The following MMP26 variants were observed in gnomAD, a reference collection of about 807,000 sequenced individuals.
The protein encoded by MMP26 is matrix metalloproteinase-26.
Under a neutral mutation model 31.0 loss-of-function variants are expected in MMP26, and 33 were observed. The observed-to-expected ratio is 1.06, with a 90% CI of 0.81 to 1.42. MMP26 has a LOEUF of 1.42. MMP26 is among the 40% of genes most tolerant of loss of function. The probability of loss-of-function intolerance (pLI) is 0.00; values close to 1 mark genes in which losing one functional copy is unlikely to be tolerated. For synonymous variants in MMP26, 122 were observed against 114.9 expected (o/e 1.06, Z -0.40); for missense variants, 347 against 316.1 (o/e 1.10, Z -0.74).
At chr11:4,936,909 T>G (rs1437853554) in intron 2 of MMP26, among the ~76,000 whole-genome samples, 4 of 152,152 alleles carry the variant, frequency 2.6e-5, no homozygotes, top group Non-Finnish European at 5.9e-5. Context: ...TTTAAAATTT[T>G]TAAGTCTGTG....
intron 2 of MMP26, among the ~76,000 whole-genome samples, chr11:4,910,734 T>C (rs182165543): frequency 6.4e-4 from 97 of 152,266 alleles, no homozygotes; most frequent in Non-Finnish European, 1.2e-3. Flanking sequence ...CACATCTTAG[T>C]TTTTCTGTGC....
chr11:4,869,217 G>C (rs1156941634), intron 2 of MMP26, among the ~76,000 whole-genome samples: 1 of 152,064 alleles, frequency 6.6e-6, no homozygotes, highest in East Asian at 1.9e-4. Flanking sequence ...ATGGACAAAT[G>C]GGATCTAATT....
intron 1 of MMP26, among the ~76,000 whole-genome samples, chr11:4,721,599 A>AT (rs1046502894): frequency 3.3e-5 from 5 of 151,996 alleles, no homozygotes; most frequent in Admixed American, 2.0e-4. Flanking sequence ...TCATGAGTGG[A>AT]TTTTTTTCCC....
At chr11:4,926,531 A>T (rs1851276320) in intron 2 of MMP26, among the ~76,000 whole-genome samples, 1 of 152,184 alleles carries the variant, frequency 6.6e-6, no homozygotes, top group Admixed American at 6.5e-5. Context: ...GGCATAGTGA[A>T]GCTGGTTTGA....
intron 2 of MMP26, among the ~76,000 whole-genome samples, chr11:4,850,127 C>T (rs1331121415): frequency 6.6e-6 from 1 of 152,056 alleles, no homozygotes; most frequent in Non-Finnish European, 1.5e-5. Context: ...AGATATTTTT[C>T]CTTGGCCCTC....
intron 2 of MMP26, among the ~76,000 whole-genome samples, chr11:4,825,286 T>C (rs1480514358): frequency 6.6e-6 from 1 of 152,180 alleles, no homozygotes; most frequent in Non-Finnish European, 1.5e-5. Flanking sequence ...ATCTCATCAT[T>C]TTCCCATTAC....
In MMP26 at chr11:4,807,223, T is replaced by C. The variant is rs1849283047; in HGVS notation, c.-145+39882T>C. Among the ~76,000 whole-genome samples, 4 of 152,202 alleles carry C rather than the reference T, an allele frequency of 2.6e-5. No homozygotes were observed. The South Asian group carries it at 8.3e-4, about 31-fold the overall frequency. ...GGATCGCTGGGTCAAATGGTATTTC[T>C]AGTTCTAGATCCTTAAGGAATTGTC... On this transcript the variant is annotated intron_variant, in intron 2 of 7. Coordinates refer to ENST00000380390, the MANE Select transcript of MMP26 (RefSeq NM_021801.5).
intron 2 of MMP26, chr11:4,907,612 G>GT: frequency 6.2e-7 from 1 of 1,613,958 alleles, no homozygotes; most frequent in Non-Finnish European, 8.5e-7. Context: ...TTCCTACCAT[G>GT]TTGAGGGTCT....
Position 4,908,116 on chromosome 11 carries a change from C to G in MMP26, c.-144-79952C>G. The G allele has an allele frequency of 1.9e-6, 3 of 1,614,202 alleles. No homozygotes were observed. In the South Asian group the frequency reaches 3.3e-5, roughly 18 times the overall value. On this transcript the variant is annotated intron_variant, in intron 2 of 7. Transcript: ENST00000380390. ...TCTCCCACATCTGTGCTGTGCTCAC[C>G]TTCTATGTGCCCATCATCACCCTGG...
intron 2 of MMP26, among the ~76,000 whole-genome samples, chr11:4,851,599 C>T (rs1430766635): frequency 6.6e-6 from 1 of 151,758 alleles, no homozygotes; most frequent in South Asian, 2.1e-4. Context: ...TTATAATACT[C>T]TATTGTCGAG....
Position 4,950,828 on chromosome 11 carries a change from G to T in MMP26, c.-144-37240G>T, listed in dbSNP as rs1358192313. On this transcript the variant is annotated intron_variant, in intron 2 of 7. Transcript: ENST00000380390. ...AAATGCAAATTAATATCACAATGAG[G>T]TATTATATCATACCCATTAGAATGG... 3.3e-5 allele frequency among the ~76,000 whole-genome samples: 4 copies of T among 122,966 alleles called. 1 individual carries two copies. Among genetic ancestry groups the T allele is most frequent in the African/African-American group, 1.1e-4 (4 of 36,416 alleles). The allele number at this position is 122,966 out of a possible 152,430, so 80.7% of individuals were successfully genotyped here.
intron 2 of MMP26, among the ~76,000 whole-genome samples, chr11:4,855,243 C>T (rs1176951295): frequency 6.6e-6 from 1 of 151,954 alleles, no homozygotes; most frequent in Non-Finnish European, 1.5e-5. Context: ...AGAAGTAGGC[C>T]TCAGAAGATC....
intron 2 of MMP26, among the ~76,000 whole-genome samples, chr11:4,799,917 C>G (rs1849158848): frequency 6.6e-6 from 1 of 152,238 alleles, no homozygotes; most frequent in Non-Finnish European, 1.5e-5. Context: ...AGGGCATATA[C>G]TGGTGCAACA....
At chr11:4,882,076 A>T (rs1850474750) in intron 2 of MMP26, 2 of 1,613,744 alleles carry the variant, frequency 1.2e-6, no homozygotes, top group South Asian at 1.1e-5. Context: ...GACTCCACAA[A>T]CCCATGTATT....
chr11:4,850,543 C>T (rs1849960526), intron 2 of MMP26, among the ~76,000 whole-genome samples: 1 of 151,940 alleles, frequency 6.6e-6, no homozygotes, highest in South Asian at 2.1e-4. Context: ...TGCCCAAATG[C>T]CCAGAAAGAT....
chr11:4,928,792 G>A (rs937196115), intron 2 of MMP26, among the ~76,000 whole-genome samples: 6 of 152,148 alleles, frequency 3.9e-5, no homozygotes, highest in South Asian at 4.2e-4. Flanking sequence ...CACACTTCTC[G>A]CTTTAACACA....
At chr11:4,961,150 C>G (rs553381262) in intron 2 of MMP26, among the ~76,000 whole-genome samples, 12 of 152,168 alleles carry the variant, frequency 7.9e-5, no homozygotes, top group African/African-American at 2.6e-4. Flanking sequence ...TGCAGATGTA[C>G]CTAAAGGATA....
intron 1 of MMP26, among the ~76,000 whole-genome samples, chr11:4,742,257 T>C (rs1848324332): frequency 6.6e-6 from 1 of 152,162 alleles, no homozygotes; most frequent in Admixed American, 6.6e-5. Context: ...TCATGAGTAG[T>C]TGACTAGAGG....
chr11:4,896,095 G>C (rs534119736), intron 2 of MMP26, among the ~76,000 whole-genome samples: 1 of 151,900 alleles, frequency 6.6e-6, no homozygotes, highest in African/African-American at 2.4e-5. Context: ...TCAAAATTTC[G>C]GAGTTTCTAT....
Sources: allele counts gnomAD v4.1 joint callset (sites outside exome capture counted in the v4.1 genomes callset), GRCh38; gene constraint gnomAD v4.1.1; transcripts MANE v1.5; gene names NCBI Gene and HGNC (gene_info 2026-07-23, HGNC 2026-07-21).